PRKG1: variants seen among roughly 807,000 people sequenced by gnomAD.
PRKG1 encodes protein kinase cGMP-dependent 1.
A neutral mutation model predicts 88.1 loss-of-function variants in PRKG1; 35 were observed. That is an observed-to-expected ratio of 0.40 (90% confidence interval 0.30 to 0.53). PRKG1 has a LOEUF of 0.53. Among genes scored for constraint, PRKG1 ranks in the 20% least tolerant of loss-of-function variants. The pLI, the probability that PRKG1 is intolerant of heterozygous loss-of-function variation, is 0.59. For synonymous variants in PRKG1, 303 were observed against 292.5 expected (o/e 1.04, Z -0.37); for missense variants, 540 against 839.8 (o/e 0.64, Z 4.41).
chr10:51,092,544 T>G (rs1173759355), intron 1 of PRKG1, among the ~76,000 whole-genome samples: 5 of 152,200 alleles, frequency 3.3e-5, no homozygotes, highest in Non-Finnish European at 7.3e-5. Flanking sequence ...TGGCTGGCTG[T>G]GTTCCCCAGA....
At chr10:51,956,820 A>T (rs909594550) in intron 5 of PRKG1, among the ~76,000 whole-genome samples, 9 of 152,002 alleles carry the variant, frequency 5.9e-5, no homozygotes, top group Non-Finnish European at 1.3e-4. Context: ...TCCCATGTAA[A>T]TCATCAAATT....
chr10:51,987,623 AT>A (rs1466872466), intron 5 of PRKG1, among the ~76,000 whole-genome samples: 1 of 152,136 alleles, frequency 6.6e-6, no homozygotes, highest in Admixed American at 6.6e-5. Flanking sequence ...CTGTAAAAAA[AT>A]GTATTCTATA....
intron 1 of PRKG1, among the ~76,000 whole-genome samples, chr10:51,079,017 A>G (rs929183163): frequency 3.3e-5 from 5 of 152,224 alleles, no homozygotes; most frequent in Admixed American, 2.6e-4. Flanking sequence ...TAAAGACTGT[A>G]TATTAAATTC....
At chr10:52,157,170 A>G (rs1332811230) in intron 8 of PRKG1, among the ~76,000 whole-genome samples, 2 of 150,308 alleles carry the variant, frequency 1.3e-5, no homozygotes, top group African/African-American at 4.9e-5. Flanking sequence ...ATAATAAGGG[A>G]TAGGAGATCA....
At chr10:51,118,280 T>A (rs1355021537) in intron 1 of PRKG1, among the ~76,000 whole-genome samples, 1 of 152,122 alleles carries the variant, frequency 6.6e-6, no homozygotes, top group Non-Finnish European at 1.5e-5. Flanking sequence ...AAACAAAAAA[T>A]AACTTCCTGT....
chr10:51,571,578 G>A (rs1477067973), intron 3 of PRKG1, among the ~76,000 whole-genome samples: 1 of 151,860 alleles, frequency 6.6e-6, no homozygotes, highest in Non-Finnish European at 1.5e-5. Context: ...GCAGGAAGAA[G>A]TTTTCACGAG....
intron 9 of PRKG1, among the ~76,000 whole-genome samples, chr10:52,222,505 A>T (rs1840272191): frequency 6.6e-6 from 1 of 152,178 alleles, no homozygotes. Flanking sequence ...ACCAGGAGTG[A>T]GAATATGGGA....
At chr10:52,203,533 T>A (rs769560412) in intron 9 of PRKG1, among the ~76,000 whole-genome samples, 1 of 152,184 alleles carries the variant, frequency 6.6e-6, no homozygotes, top group Non-Finnish European at 1.5e-5. Context: ...GTCTGTTAGG[T>A]TTATTTCGTC....
chr10:51,193,240 A>G (rs1420147907), intron 2 of PRKG1, among the ~76,000 whole-genome samples: 1 of 152,000 alleles, frequency 6.6e-6, no homozygotes, highest in East Asian at 1.9e-4. Flanking sequence ...TAGCTCGAGC[A>G]TAGAGTAGCT....
At chr10:51,433,030 G>A (rs1262370060) in intron 2 of PRKG1, among the ~76,000 whole-genome samples, 1 of 152,110 alleles carries the variant, frequency 6.6e-6, no homozygotes, top group Non-Finnish European at 1.5e-5. Flanking sequence ...AATAAAAATA[G>A]CCAAGTGAAT....
chr10:52,023,052 G>A (rs1845227337), intron 5 of PRKG1, among the ~76,000 whole-genome samples: 1 of 152,054 alleles, frequency 6.6e-6, no homozygotes, highest in African/African-American at 2.4e-5. Context: ...TTCTCCTAAT[G>A]CAATCCTGAC....
At chr10:52,065,501 C>G (rs1026385937) in intron 7 of PRKG1, among the ~76,000 whole-genome samples, 1 of 148,138 alleles carries the variant, frequency 6.8e-6, no homozygotes, top group African/African-American at 2.6e-5. Context: ...AATCAGATGA[C>G]AGGTTTTATT....
At chr10:51,282,504 G>A (rs926605345) in intron 2 of PRKG1, among the ~76,000 whole-genome samples, 1 of 152,122 alleles carries the variant, frequency 6.6e-6, no homozygotes, top group African/African-American at 2.4e-5. Context: ...TTAAGAACCA[G>A]GGAGAGGAGT....
intron 2 of PRKG1, among the ~76,000 whole-genome samples, chr10:51,228,228 T>A (rs774186161): frequency 3.3e-5 from 5 of 152,196 alleles, no homozygotes; most frequent in Non-Finnish European, 7.3e-5. Flanking sequence ...CGAGTTATGT[T>A]ATTGTGTCTG....
intron 2 of PRKG1, among the ~76,000 whole-genome samples, chr10:51,261,349 G>A (rs1375657612): frequency 6.6e-6 from 1 of 152,146 alleles, no homozygotes; most frequent in Non-Finnish European, 1.5e-5. Flanking sequence ...GATTAATTTT[G>A]TTTGGGGTAT....
chr10:51,567,022 A>G lies in PRKG1; in HGVS notation c.592+99186A>G, dbSNP rs139193447. Among the ~76,000 whole-genome samples the G allele has an allele frequency of 7.2e-5, 11 of 152,150 alleles. No homozygotes were observed. In the East Asian group the frequency reaches 2.1e-3, roughly 29 times the overall value. Reference sequence around the variant, plus strand: ...TTAGTTTAATTGTGATTACTTCACAATGTGTACATATATCACAACACTAAG... The same window carrying G: ...TTAGTTTAATTGTGATTACTTCACAGTGTGTACATATATCACAACACTAAG... On this transcript the variant is annotated intron_variant, in intron 3 of 17. Coordinates refer to ENST00000373980, the MANE Select transcript of PRKG1 (RefSeq NM_006258.4).
intron 3 of PRKG1, among the ~76,000 whole-genome samples, chr10:51,578,465 G>C (rs148634976): frequency 7.9e-5 from 12 of 152,154 alleles, no homozygotes; most frequent in African/African-American, 2.9e-4. Context: ...GTCATGACTG[G>C]ATTTTTCATG....
In PRKG1 at chr10:52,114,557, A is replaced by ACTATATATATATACATATAT. The variant is rs1554805858; in HGVS notation, c.936-19283_936-19282insCTATATATATATACATATAT. ...TTGAGCTCACAGGCCTAATATGCTG[A>ACTATATATATATACATATAT]ATATATATATATATGTTTTCACTTT... On this transcript the variant is annotated intron_variant, in intron 7 of 17. Transcript: ENST00000373980. 6.5e-3 allele frequency among the ~76,000 whole-genome samples: 977 copies of ACTATATATATATACATATAT among 150,028 alleles called. 27 individuals are homozygous for ACTATATATATATACATATAT. The highest frequency in any genetic ancestry group is 0.022 in the African/African-American group (899 of 40,340).
intron 3 of PRKG1, among the ~76,000 whole-genome samples, chr10:51,689,965 G>T (rs1324671797): frequency 2.0e-5 from 3 of 152,174 alleles, no homozygotes; most frequent in African/African-American, 7.2e-5. Flanking sequence ...AAATACCTGA[G>T]ATGGGGTAAT....
Sources: gnomAD v4.1 joint callset for allele counts (sites outside exome capture counted in the v4.1 genomes callset) on GRCh38, gnomAD v4.1.1 for gene constraint, MANE v1.5 for transcripts, NCBI Gene and HGNC (gene_info 2026-07-23, HGNC 2026-07-21) for gene names.